Variants in PCNX1 observed in about 807,000 individuals in gnomAD.
PCNX1 encodes pecanex 1, also known as pecanex-like protein 1.
In PCNX1, 78 loss-of-function variants were observed where a neutral mutation model predicts 242.2. That is an observed-to-expected ratio of 0.32 (90% CI 0.27 to 0.39). The LOEUF is 0.39. PCNX1 is among the 10% of genes least tolerant of loss of function. The pLI is 1.00. For synonymous variants in PCNX1, 1,024 were observed against 1,032.9 expected, an observed-to-expected ratio of 0.99 and a Z score of 0.17; for missense variants, 2,581 against 2,856.5, an observed-to-expected ratio of 0.90 and a Z score of 2.20.
At chr14:70,992,953 A>G (rs2059212684) in intron 7 of PCNX1, among the ~76,000 whole-genome samples, 1 of 152,248 alleles carries the variant, frequency 6.6e-6, no homozygotes, top group Admixed American at 6.5e-5. Context: ...TCCGAACCAT[A>G]TTCCAGTCTC....
intron 12 of PCNX1, 120 bp from the exon 13 acceptor site, chr14:71,023,080 T>G: frequency 1.3e-6 from 1 of 747,158 alleles, no homozygotes; most frequent in Non-Finnish European, 2.4e-6. Flanking sequence ...ATTATTAATA[T>G]AGGTCATTTT....
At chr14:71,042,460 A>T (rs2060735588) in intron 19 of PCNX1, among the ~76,000 whole-genome samples, 1 of 151,552 alleles carries the variant, frequency 6.6e-6, no homozygotes, top group African/African-American at 2.4e-5. Flanking sequence ...CTTGCAGTTT[A>T]TTTTGTCTGA....
chr14:71,109,394 C>A, intron 34 of PCNX1, 58 bp from the exon 35 acceptor site: 1 of 1,453,586 alleles, frequency 6.9e-7, no homozygotes, highest in Non-Finnish European at 9.5e-7. Context: ...TTTGAGATTA[C>A]ATAATTTTTC....
At chr14:71,009,991 T>C in intron 9 of PCNX1, 1 of 271,100 alleles carries the variant, frequency 3.7e-6, no homozygotes, top group Non-Finnish European at 6.9e-6. Context: ...TCTACTCTCT[T>C]AGTGATTTTC....
Position 71,114,376 on chromosome 14 carries a change from AT to A in PCNX1, c.*4443del, listed in dbSNP as rs2062813052. The A allele has an allele frequency of 6.6e-6, 1 of 152,202 alleles. No homozygotes were observed. Among genetic ancestry groups the A allele is most frequent in the Non-Finnish European group, 1.5e-5 (1 of 68,036 alleles). 9.4% of individuals were successfully genotyped at this position (152,202 alleles called of 1,614,324 possible). On this transcript the variant is annotated 3_prime_UTR_variant, in exon 36 of 36. Coordinates refer to ENST00000304743, the MANE Select transcript of PCNX1 (RefSeq NM_014982.3). ...AACTGTGATTGGAAAGGAATTAATT[AT>A]TATACAAATAAATCTGGTAGGATAT... is the stretch of plus-strand genomic sequence containing the variant.
rs567798398 is a variant in PCNX1 at position 71,008,842 on chromosome 14, C to T, written c.2630-792C>T. 2.6e-5 allele frequency among the ~76,000 whole-genome samples: 4 copies of T among 151,988 alleles called. No homozygotes were observed. In the South Asian group the frequency reaches 6.2e-4, roughly 24 times the overall value. ...TTAATTTATGCTCCCTTTTCATCAC[C>T]GATATGGCTACCATAGATCCTCAAA... On this transcript the variant is annotated intron_variant, in intron 8 of 35. Coordinates refer to ENST00000304743, the MANE Select transcript of PCNX1 (RefSeq NM_014982.3).
chr14:71,083,395 G>T (rs529147036), intron 28 of PCNX1, among the ~76,000 whole-genome samples: 2 of 151,948 alleles, frequency 1.3e-5, no homozygotes, highest in South Asian at 4.2e-4. Context: ...CTGAATGTTG[G>T]CCTGTCTTGC....
chr14:71,055,646 G>T, intron 25 of PCNX1, 84 bp downstream of exon 25: 1 of 759,156 alleles, frequency 1.3e-6, no homozygotes, highest in South Asian at 2.2e-5. Context: ...TAACTTGTTG[G>T]GAATCCTCTA....
rs1005390570 is a variant in PCNX1 at position 71,050,169 on chromosome 14, T to C, written c.4339-483T>C. 1.2e-4 allele frequency among the ~76,000 whole-genome samples: 19 copies of C among 152,094 alleles called. No homozygotes were observed. In the East Asian group the frequency reaches 3.5e-3, roughly 28 times the overall value. Reference sequence around the variant, plus strand: ...GCAGACATCTTGATTTTTTTTCTTTTTTTTTATTTATTATTATTATACTTT... The same window carrying C: ...GCAGACATCTTGATTTTTTTTCTTTCTTTTTATTTATTATTATTATACTTT... On this transcript the variant is annotated intron_variant, in intron 22 of 35. Transcript: ENST00000304743.
intron 7 of PCNX1, among the ~76,000 whole-genome samples, chr14:70,993,805 A>G (rs905826118): frequency 6.6e-6 from 1 of 152,170 alleles, no homozygotes; most frequent in Non-Finnish European, 1.5e-5. Flanking sequence ...TTTTTTTCTC[A>G]GTATTTTCTT....
intron 22 of PCNX1, among the ~76,000 whole-genome samples, chr14:71,049,590 G>GTCATTATA (rs1459744884): frequency 6.6e-6 from 1 of 152,086 alleles, no homozygotes; most frequent in East Asian, 1.9e-4. Flanking sequence ...TTGCTTTTAA[G>GTCATTATA]TCATTATAAT....
At chr14:71,052,546 T>G (rs1018230311) in intron 24 of PCNX1, among the ~76,000 whole-genome samples, 3 of 151,856 alleles carry the variant, frequency 2.0e-5, no homozygotes, top group Non-Finnish European at 4.4e-5. Flanking sequence ...TTTTAAACAT[T>G]GTTCTGATTG....
intron 8 of PCNX1, among the ~76,000 whole-genome samples, chr14:71,002,183 A>G (rs957521628): frequency 2.0e-5 from 3 of 152,182 alleles, no homozygotes; most frequent in African/African-American, 7.2e-5. Context: ...TTCTTCTTAT[A>G]TACTACTTTT....
chr14:70,931,116 C>T (rs1376780456), intron 1 of PCNX1, among the ~76,000 whole-genome samples: 1 of 152,160 alleles, frequency 6.6e-6, no homozygotes, highest in African/African-American at 2.4e-5. Flanking sequence ...CCAGCATTCT[C>T]TCCATCCACC....
chr14:71,105,501 A>G (rs1345109043), intron 33 of PCNX1, 61 bp downstream of exon 33: 4 of 1,291,830 alleles, frequency 3.1e-6, no homozygotes, highest in East Asian at 4.7e-5. Flanking sequence ...GCTGGTTAGT[A>G]TATGTGTATA....
intron 24 of PCNX1, among the ~76,000 whole-genome samples, chr14:71,054,396 T>C (rs1278759441): frequency 6.6e-6 from 1 of 152,234 alleles, no homozygotes; most frequent in Non-Finnish European, 1.5e-5. Context: ...AATATGTTCA[T>C]TGGCATCACC....
chr14:71,024,426 T>C (rs1219552088), intron 13 of PCNX1, among the ~76,000 whole-genome samples: 2 of 152,174 alleles, frequency 1.3e-5, no homozygotes, highest in Non-Finnish European at 2.9e-5. Context: ...TTCATGATAT[T>C]GAAATTTTTG....
chr14:70,996,029 G>T, intron 8 of PCNX1, 104 bp downstream of exon 8: 2 of 836,608 alleles, frequency 2.4e-6, no homozygotes, highest in Non-Finnish European at 2.0e-6. Context: ...TTGGAACTAT[G>T]CATAGGAGCA....
intron 26 of PCNX1, among the ~76,000 whole-genome samples, chr14:71,064,336 A>G (rs779038160): frequency 4.1e-4 from 62 of 152,206 alleles, no homozygotes; most frequent in Non-Finnish European, 2.8e-4. Flanking sequence ...TTGGGTGGAA[A>G]TAGTCATGGG....
Sources: gnomAD v4.1 joint callset for allele counts (sites outside exome capture counted in the v4.1 genomes callset) on GRCh38, gnomAD v4.1.1 for gene constraint, MANE v1.5 for transcripts, NCBI Gene and HGNC (gene_info 2026-07-23, HGNC 2026-07-21) for gene names.